The following CRYM variants were observed in gnomAD, a reference collection of about 807,000 sequenced individuals.
The protein encoded by CRYM is ketimine reductase mu-crystallin.
In CRYM, 18 loss-of-function variants were observed where a neutral mutation model predicts 32.9. That is an observed-to-expected ratio of 0.55 (90% CI 0.38 to 0.81). The LOEUF (loss-of-function observed/expected upper bound fraction) is 0.81, where lower values mean the gene tolerates loss of function less well. Among genes scored for constraint, CRYM ranks in the 30% least tolerant of loss-of-function variants. The probability of loss-of-function intolerance (pLI) is 0.00; values close to 1 mark genes in which losing one functional copy is unlikely to be tolerated. For missense variants in CRYM, 337 were observed against 393.5 expected (o/e 0.86, Z 1.21); for synonymous variants, 153 against 152.4 (o/e 1.00, Z -0.03).
intron 5 of CRYM, among the ~76,000 whole-genome samples, chr16:21,266,914 G>T (rs1156745536): frequency 2.0e-5 from 3 of 151,800 alleles, no homozygotes; most frequent in Non-Finnish European, 4.4e-5. Context: ...GGCTGAAGTG[G>T]GAGAATCGCT....
At chr16:21,261,472 A>G (rs2093354408) in intron 6 of CRYM, 134 bp from the exon 7 acceptor site, 1 of 705,602 alleles carries the variant, frequency 1.4e-6, no homozygotes, top group Non-Finnish European at 2.5e-6. Context: ...AAAGAGAGAG[A>G]TCCTTTGTAC....
At chr16:21,298,908 C>A (rs927936592) in intron 1 of CRYM, among the ~76,000 whole-genome samples, 1 of 152,154 alleles carries the variant, frequency 6.6e-6, no homozygotes, top group African/African-American at 2.4e-5. Flanking sequence ...TTTTTAATCC[C>A]AGTTAATTTC....
chr16:21,262,958 A>G (rs12445971), intron 5 of CRYM, among the ~76,000 whole-genome samples: 2,544 of 152,274 alleles, frequency 0.017, 92 homozygotes, highest in East Asian at 0.081. Context: ...AAACAGAGAC[A>G]TCACTTGGTG....
chr16:21,265,038 A>C (rs2093361323), intron 5 of CRYM, among the ~76,000 whole-genome samples: 1 of 152,126 alleles, frequency 6.6e-6, no homozygotes, highest in South Asian at 2.1e-4. Flanking sequence ...TGAGATGATA[A>C]TAATGTGTTG....
In CRYM at chr16:21,258,689, C is replaced by T; in HGVS notation, c.*92G>A. 1 of 1,063,114 alleles carries T rather than the reference C, an allele frequency of 9.4e-7. No individual in the cohort carries two copies. Among genetic ancestry groups the T allele is most frequent in the Non-Finnish European group, 1.5e-6 (1 of 681,708 alleles). 65.9% of individuals were successfully genotyped at this position (1,063,114 alleles called of 1,614,324 possible). On this transcript the variant is annotated 3_prime_UTR_variant, in exon 8 of 8. Coordinates refer to ENST00000572914, the MANE Select transcript of CRYM (RefSeq NM_001376256.1). Reference sequence around the variant, plus strand: ...ATGATAAGCACAAAAGGAGAGTTCACTGGGGACTGGACTCCCTCATTTACT... The same window carrying T: ...ATGATAAGCACAAAAGGAGAGTTCATTGGGGACTGGACTCCCTCATTTACT...
Position 21,277,656 on chromosome 16 carries a change from C to CT in CRYM, c.171-73dup. Reference sequence around the variant, plus strand: ...GGGTCTCTTAGAAAGTATCCATATACTTTCCTTTTTCTTTCCTTCCTCACC... The same window carrying CT: ...GGGTCTCTTAGAAAGTATCCATATACTTTTCCTTTTTCTTTCCTTCCTCACC... On this transcript the variant is annotated intron_variant, in intron 1 of 7. Transcript: ENST00000572914. This position sits in a 1 kb window ranked among gnomAD's most constrained non-coding sequence, Gnocchi z 4.2. 6.3e-7 allele frequency: 1 copy of CT among 1,579,668 alleles called. No homozygotes were observed.
intron 1 of CRYM, among the ~76,000 whole-genome samples, chr16:21,295,078 T>C (rs747499035): frequency 6.6e-6 from 1 of 152,176 alleles, no homozygotes. Context: ...CTGATGGACA[T>C]TTGGGTTGGT....
At chr16:21,288,252 G>T (rs1166919140) in intron 1 of CRYM, among the ~76,000 whole-genome samples, 2 of 152,118 alleles carry the variant, frequency 1.3e-5, no homozygotes, top group Admixed American at 6.5e-5. Flanking sequence ...CCTTTTCTTT[G>T]CTGAGAGGTT....
upstream of CRYM, among the ~76,000 whole-genome samples, chr16:21,281,180 G>A (rs559922512): frequency 1.4e-3 from 207 of 149,586 alleles, 7 homozygotes; most frequent in South Asian, 0.033. Context: ...ACATATATAC[G>A]TATCTATGTA....
At chr16:21,278,382 CAA>C, upstream of CRYM, 1 of 1,175,570 alleles carries the variant, frequency 8.5e-7, no homozygotes, top group Non-Finnish European at 1.2e-6. Flanking sequence ...GGGGGCGGAG[CAA>C]CCCCGCCCCG....
chr16:21,261,912 C>A, intron 6 of CRYM, 125 bp downstream of exon 6: 1 of 1,142,920 alleles, frequency 8.7e-7, no homozygotes, highest in Non-Finnish European at 1.3e-6. Flanking sequence ...GAGCTCCTTC[C>A]CCTACAAGGA....
At chr16:21,261,823 T>C in intron 6 of CRYM, 1 of 568,368 alleles carries the variant, frequency 1.8e-6, no homozygotes, top group South Asian at 2.0e-5. Context: ...GAGCTTCTCC[T>C]TCCAGGAACA....
At chr16:21,281,205 TA>T (rs2093397588), upstream of CRYM, among the ~76,000 whole-genome samples, 3 of 151,436 alleles carry the variant, frequency 2.0e-5, no homozygotes, top group Non-Finnish European at 2.9e-5. Context: ...TATAGATATG[TA>T]TATGTATCTA....
chr16:21,279,644 C>T (rs2152863577), upstream of CRYM, among the ~76,000 whole-genome samples: 1 of 152,232 alleles, frequency 6.6e-6, no homozygotes, highest in East Asian at 1.9e-4. Flanking sequence ...GGGTCTTCTG[C>T]CAATGCAAAG....
chr16:21,277,024 T>C lies in CRYM; in HGVS notation c.324+407A>G, dbSNP rs1480951468. On this transcript the variant is annotated intron_variant, in intron 2 of 7. Transcript: ENST00000572914. This position sits in a 1 kb window ranked among gnomAD's most constrained non-coding sequence, Gnocchi z 4.2. ...TTAGATATTAAAACAGGTCACACCGTATACCCCTCTGAAGACTCCCAGGGA... is the reference window on the plus strand; with the variant it reads ...TTAGATATTAAAACAGGTCACACCGCATACCCCTCTGAAGACTCCCAGGGA... Among the ~76,000 whole-genome samples the C allele has an allele frequency of 6.6e-6, 1 of 152,218 alleles. No individual in the cohort carries two copies. Among genetic ancestry groups the C allele is most frequent in the Non-Finnish European group, 1.5e-5 (1 of 68,044 alleles).
At chr16:21,301,494 G>A (rs1317754673) in intron 1 of CRYM, among the ~76,000 whole-genome samples, 1 of 152,240 alleles carries the variant, frequency 6.6e-6, no homozygotes, top group Non-Finnish European at 1.5e-5. Flanking sequence ...CAGACGGGCT[G>A]GCGAGGAAGC....
At chr16:21,289,275 T>C (rs1349814656) in intron 1 of CRYM, among the ~76,000 whole-genome samples, 2 of 152,242 alleles carry the variant, frequency 1.3e-5, no homozygotes, top group Non-Finnish European at 2.9e-5. Context: ...CCATATATGT[T>C]TGTTACTGTT....
intron 1 of CRYM, among the ~76,000 whole-genome samples, chr16:21,289,820 C>G (rs1960574363): frequency 6.6e-6 from 1 of 151,512 alleles, no homozygotes; most frequent in African/African-American, 2.4e-5. Flanking sequence ...TTACAGAGTG[C>G]CGATTGGTCC....
intron 5 of CRYM, among the ~76,000 whole-genome samples, chr16:21,263,882 A>G (rs2093359104): frequency 6.6e-6 from 1 of 152,250 alleles, no homozygotes; most frequent in African/African-American, 2.4e-5. Flanking sequence ...GCTAATCATT[A>G]CCACGTGTGA....
Sources: gnomAD v4.1 joint callset for allele counts (sites outside exome capture counted in the v4.1 genomes callset) on GRCh38, gnomAD v4.1.1 for gene constraint, Gnocchi (gnomAD v3.1) non-coding constraint, MANE v1.5 for transcripts, NCBI Gene and HGNC (gene_info 2026-07-23, HGNC 2026-07-21) for gene names.